The following SLC31A1 variants were observed in gnomAD, a reference collection of about 807,000 sequenced individuals.
SLC31A1 encodes high affinity copper uptake protein 1.
SLC31A1 carries 5 observed loss-of-function variants against 17.2 expected under a neutral mutation model. The observed-to-expected ratio is 0.29, with a 90% CI of 0.15 to 0.61. SLC31A1 has a LOEUF of 0.61. Ranked by LOEUF, SLC31A1 falls within the 20% of genes least tolerant of loss-of-function variation. The pLI is 0.86. For synonymous variants in SLC31A1, 76 were observed against 78.8 expected, an observed-to-expected ratio of 0.96 and a Z score of 0.19; for missense variants, 161 against 241.4, an observed-to-expected ratio of 0.67 and a Z score of 2.21.
intron 1 of SLC31A1, among the ~76,000 whole-genome samples, chr9:113,240,741 A>C (rs1831512215): frequency 6.6e-6 from 1 of 152,148 alleles, no homozygotes; most frequent in Non-Finnish European, 1.5e-5. Flanking sequence ...ACGCATACAA[A>C]TGTCAAAATG....
At chr9:113,227,016 G>A (rs1284480152) in intron 1 of SLC31A1, among the ~76,000 whole-genome samples, 1 of 151,932 alleles carries the variant, frequency 6.6e-6, no homozygotes, top group Non-Finnish European at 1.5e-5. Context: ...ATTTACATGT[G>A]TCCCTCTTTC....
At chr9:113,223,225 T>A (rs1251811366) in intron 1 of SLC31A1, 2 of 453,792 alleles carry the variant, frequency 4.4e-6, no homozygotes, top group Non-Finnish European at 8.9e-6. Context: ...ATACGCAGAT[T>A]ATCACTGTAG....
At chr9:113,225,044 T>C (rs1831325748) in intron 1 of SLC31A1, among the ~76,000 whole-genome samples, 1 of 152,270 alleles carries the variant, frequency 6.6e-6, no homozygotes. Flanking sequence ...TTCTCATTTA[T>C]ACTTCATTGC....
chr9:113,229,528 T>C (rs1278585462), intron 1 of SLC31A1, among the ~76,000 whole-genome samples: 1 of 152,248 alleles, frequency 6.6e-6, no homozygotes, highest in Non-Finnish European at 1.5e-5. Context: ...ATATGATAAC[T>C]CATTTAATCA....
intron 1 of SLC31A1, among the ~76,000 whole-genome samples, chr9:113,250,990 G>T (rs1210289813): frequency 6.6e-6 from 1 of 152,184 alleles, no homozygotes; most frequent in Non-Finnish European, 1.5e-5. Context: ...CCCCAAAGAT[G>T]CTGGCACCAT....
chr9:113,233,262 T>G (rs1831420091), intron 1 of SLC31A1, among the ~76,000 whole-genome samples: 1 of 152,136 alleles, frequency 6.6e-6, no homozygotes, highest in African/African-American at 2.4e-5. Context: ...AGAGAATGAG[T>G]AGATCTCCTT....
chr9:113,231,582 G>A (rs1426391622), intron 1 of SLC31A1, among the ~76,000 whole-genome samples: 1 of 151,652 alleles, frequency 6.6e-6, no homozygotes, highest in African/African-American at 2.4e-5. Flanking sequence ...AAAAAATGGG[G>A]AAATTATTTA....
At chr9:113,245,173 T>C (rs1831563385) in intron 1 of SLC31A1, among the ~76,000 whole-genome samples, 1 of 152,230 alleles carries the variant, frequency 6.6e-6, no homozygotes, top group Admixed American at 6.5e-5. Context: ...TCAAAAGGAT[T>C]ATATGGTTAT....
At chr9:113,225,508 A>C (rs1831330305) in intron 1 of SLC31A1, among the ~76,000 whole-genome samples, 1 of 152,212 alleles carries the variant, frequency 6.6e-6, no homozygotes, top group South Asian at 2.1e-4. Flanking sequence ...GGCCCCTAGA[A>C]CATGAGGTTG....
chr9:113,251,575 C>CT (rs1248927688), intron 1 of SLC31A1, among the ~76,000 whole-genome samples: 1 of 152,122 alleles, frequency 6.6e-6, no homozygotes, highest in Non-Finnish European at 1.5e-5. Flanking sequence ...AGAACCAATG[C>CT]TAGTTTACCT....
intron 1 of SLC31A1, among the ~76,000 whole-genome samples, chr9:113,230,433 A>G (rs1187484907): frequency 6.6e-6 from 1 of 152,000 alleles, no homozygotes; most frequent in African/African-American, 2.4e-5. Flanking sequence ...ACTTTTCTTG[A>G]TTTTTTGAGG....
intron 1 of SLC31A1, among the ~76,000 whole-genome samples, chr9:113,247,143 T>A (rs973632295): frequency 6.6e-6 from 1 of 152,308 alleles, no homozygotes; most frequent in South Asian, 2.1e-4. Context: ...TCTGTATAAG[T>A]GCTTGCCAGA....
Position 113,261,477 on chromosome 9 carries a change from G to T in SLC31A1, c.*1004G>T, listed in dbSNP as rs544808615. 4 of 152,660 alleles carry T rather than the reference G, an allele frequency of 2.6e-5. No homozygotes were observed. In the South Asian group the frequency reaches 8.3e-4, roughly 32 times the overall value. 9.5% of individuals were successfully genotyped at this position (152,660 alleles called of 1,614,324 possible). ...TTAACACTTTGATTAGCATGAACTT[G>T]CCAATCAAAAAATGACAATCAATTT... On this transcript the variant is annotated 3_prime_UTR_variant, in exon 5 of 5. Transcript: ENST00000374212.
intron 2 of SLC31A1, among the ~76,000 whole-genome samples, 167 bp from the exon 3 acceptor site, chr9:113,256,946 C>T (rs966036981): frequency 1.3e-5 from 2 of 151,818 alleles, no homozygotes; most frequent in Admixed American, 1.3e-4. Flanking sequence ...TACTCATGCT[C>T]GGTGCCTGTG....
chr9:113,231,922 T>C (rs1348465442), intron 1 of SLC31A1, among the ~76,000 whole-genome samples: 1 of 152,250 alleles, frequency 6.6e-6, no homozygotes, highest in Non-Finnish European at 1.5e-5. Context: ...ATGTGGACTA[T>C]AACTCCTGTA....
chr9:113,257,303 C>T (rs1461416573), intron 3 of SLC31A1, 118 bp downstream of exon 3: 3 of 888,866 alleles, frequency 3.4e-6, no homozygotes, highest in South Asian at 1.3e-5. Flanking sequence ...GGTAATGATG[C>T]ATAACCATCT....
rs1831823790 is a variant in SLC31A1, at chr9:113,264,010, TTCAAAAGATACA to T, written c.*3548_*3559del. The T allele has an allele frequency of 6.6e-6, 1 of 152,244 alleles. No individual in the cohort carries two copies. Among genetic ancestry groups the T allele is most frequent in the South Asian group, 2.1e-4 (1 of 4,830 alleles). The allele number at this position is 152,244 out of a possible 1,614,324, so 9.4% of individuals were successfully genotyped here. A position where few individuals can be genotyped will look rare whatever the true frequency, so the allele number is the denominator to read the frequency against. ...TGATCCTGCCCTCTCCAGCTGCTCC[TTCAAAAGATACA>T]TCAAAAGATAGAAACTCTGGGCTGG... On this transcript the variant is annotated 3_prime_UTR_variant, in exon 5 of 5. Transcript: ENST00000374212.
chr9:113,253,234 C>T (rs1831680603), intron 1 of SLC31A1, among the ~76,000 whole-genome samples: 3 of 152,070 alleles, frequency 2.0e-5, no homozygotes, highest in Admixed American at 6.6e-5. Context: ...GGATTACAAG[C>T]GTGAGCCACC....
At chr9:113,253,763 T>C (rs973806499) in intron 1 of SLC31A1, among the ~76,000 whole-genome samples, 5 of 151,804 alleles carry the variant, frequency 3.3e-5, no homozygotes, top group African/African-American at 1.2e-4. Context: ...TGTTGAGCTC[T>C]ATAATTATAA....
Sources: gnomAD v4.1 joint callset for allele counts (sites outside exome capture counted in the v4.1 genomes callset) on GRCh38, gnomAD v4.1.1 for gene constraint, MANE v1.5 for transcripts, NCBI Gene and HGNC (gene_info 2026-07-23, HGNC 2026-07-21) for gene names.